CFAP20DC: variants seen among roughly 807,000 people sequenced by gnomAD.
The protein encoded by CFAP20DC is CFAP20 domain containing.
In CFAP20DC, 84 loss-of-function variants were observed where a neutral mutation model predicts 101.7. That is an observed-to-expected ratio of 0.83 (90% CI 0.69 to 0.99). CFAP20DC has a LOEUF of 0.99. Among genes scored for constraint, CFAP20DC ranks in the 50% least tolerant of loss-of-function variants. The probability of loss-of-function intolerance (pLI) is 0.00; values close to 1 mark genes in which losing one functional copy is unlikely to be tolerated. For missense variants in CFAP20DC, 1,007 were observed against 970.3 expected (o/e 1.04, Z -0.50); for synonymous variants, 359 against 351.2 (o/e 1.02, Z -0.25).
At chr3:58,987,894 C>T (rs1470443138) in intron 4 of CFAP20DC, among the ~76,000 whole-genome samples, 3 of 151,914 alleles carry the variant, frequency 2.0e-5, no homozygotes, top group African/African-American at 7.2e-5. Flanking sequence ...TTCTACCAAA[C>T]CTTTAAGGAA....
chr3:59,045,894 A>AGCTATTAG (rs1699814639), intron 3 of CFAP20DC, among the ~76,000 whole-genome samples: 1 of 152,148 alleles, frequency 6.6e-6, no homozygotes, highest in African/African-American at 2.4e-5. Context: ...GAGGATTAAA[A>AGCTATTAG]GAGTTCATAA....
In CFAP20DC at chr3:58,914,948, G is replaced by A. The variant is rs1243669793; in HGVS notation, c.394-1084C>T. The A allele has an allele frequency of 6.6e-6, 1 of 152,182 alleles. No homozygotes were observed. Among genetic ancestry groups the A allele is most frequent in the African/African-American group, 2.4e-5 (1 of 41,446 alleles). 9.4% of individuals were successfully genotyped at this position (152,182 alleles called of 1,614,324 possible). ...AGGCAGCAGGTAAACTGAGAGTCAA[G>A]TAATAGTGTGATTGGCTTGACTGGC... On this transcript the variant is annotated intron_variant, in intron 5 of 16. Transcript: ENST00000482387. The surrounding 1 kb of genome is among the most constrained non-coding windows in gnomAD (Gnocchi z 4.9).
In CFAP20DC at chr3:58,887,549, C is replaced by T. The variant is rs2081755947; in HGVS notation, c.551-2840G>A. The T allele has an allele frequency of 1.3e-5, 2 of 152,300 alleles. 1 individual carries two copies. The highest frequency in any genetic ancestry group is 4.1e-4 in the South Asian group (2 of 4,826). 9.4% of individuals were successfully genotyped at this position (152,300 alleles called of 1,614,324 possible). On this transcript the variant is annotated intron_variant, in intron 6 of 16. Coordinates refer to ENST00000482387, the MANE Select transcript of CFAP20DC (RefSeq NM_001394063.1). Reference sequence around the variant, plus strand: ...ATGAACACAAAACTTGAATTTACAACTAACAAGAGACAGATAGCAAATCTC... The same window carrying T: ...ATGAACACAAAACTTGAATTTACAATTAACAAGAGACAGATAGCAAATCTC...
At chr3:58,815,011 A>G (rs1158298249) in intron 14 of CFAP20DC, among the ~76,000 whole-genome samples, 1 of 151,464 alleles carries the variant, frequency 6.6e-6, no homozygotes, top group East Asian at 1.9e-4. Context: ...AAACTACTTT[A>G]AAGTTCATAT....
At chr3:58,834,541 G>C (rs1004097564) in intron 13 of CFAP20DC, among the ~76,000 whole-genome samples, 11 of 152,114 alleles carry the variant, frequency 7.2e-5, no homozygotes, top group African/African-American at 2.7e-4. Flanking sequence ...TGGGTTCTAG[G>C]AGAGAAGAAT....
intron 14 of CFAP20DC, among the ~76,000 whole-genome samples, chr3:58,812,445 TA>T (rs1253641314): frequency 1.3e-5 from 2 of 151,584 alleles, no homozygotes; most frequent in Non-Finnish European, 2.9e-5. Flanking sequence ...CTCAGTAAAC[TA>T]TCGCAAGAAC....
chr3:58,998,786 A>C lies in CFAP20DC; in HGVS notation c.278+40771T>G, dbSNP rs116520233. On this transcript the variant is annotated intron_variant, in intron 4 of 16. Transcript: ENST00000482387. ...CTCTTCACTCTGCACCGTAGAATGA[A>C]AAAGAACAAAGATGCAGTCTACCTA... Among the ~76,000 whole-genome samples, 410 of 152,380 alleles carry C rather than the reference A, an allele frequency of 2.7e-3. 1 individual carries two copies. Among genetic ancestry groups the C allele is most frequent in the African/African-American group, 9.3e-3 (386 of 41,590 alleles).
At chr3:58,793,466 A>T (rs1471875583) in intron 15 of CFAP20DC, among the ~76,000 whole-genome samples, 1 of 152,078 alleles carries the variant, frequency 6.6e-6, no homozygotes, top group Non-Finnish European at 1.5e-5. Context: ...TGGACTTTTA[A>T]TGTGAATTAG....
Position 58,732,525 on chromosome 3 carries a change from A to G in CFAP20DC, c.198-14897T>C, listed in dbSNP as rs138999792. 7.7e-4 allele frequency among the ~76,000 whole-genome samples: 118 copies of G among 152,316 alleles called. 1 individual carries two copies. The highest frequency in any genetic ancestry group is 2.7e-3 in the African/African-American group (114 of 41,570). On this transcript the variant is annotated intron_variant, in intron 3 of 3. Coordinates refer to the CFAP20DC transcript ENST00000486145. This position sits in a 1 kb window ranked among gnomAD's most constrained non-coding sequence, Gnocchi z 5.4. ...TAACTTTCAGAAAGCATTATAATAA[A>G]TTTATAGTGCACACTATTTTAGAGG...
At chr3:59,018,982 T>C (rs2108962044) in intron 4 of CFAP20DC, 1 of 152,204 alleles carries the variant, frequency 6.6e-6, no homozygotes, top group Middle Eastern at 3.4e-3. Context: ...AAGGCAAATG[T>C]GGCAAAATGT....
chr3:58,979,008 G>T (rs2092404050), intron 4 of CFAP20DC, among the ~76,000 whole-genome samples: 1 of 152,160 alleles, frequency 6.6e-6, no homozygotes, highest in African/African-American at 2.4e-5. Flanking sequence ...AGTGATAGTG[G>T]TGATGCTGTG....
chr3:58,739,380 T>C (rs990865552), downstream of CFAP20DC, among the ~76,000 whole-genome samples: 1 of 152,258 alleles, frequency 6.6e-6, no homozygotes, highest in African/African-American at 2.4e-5. Flanking sequence ...TACCAAATTA[T>C]CTTAAGATGT....
At chr3:58,967,340 C>T (rs2091632709) in intron 4 of CFAP20DC, among the ~76,000 whole-genome samples, 1 of 152,156 alleles carries the variant, frequency 6.6e-6, no homozygotes, top group African/African-American at 2.4e-5. Flanking sequence ...TGATCCCCAT[C>T]TCACATCATA....
At chr3:58,961,524 A>G (rs1314174650) in intron 4 of CFAP20DC, among the ~76,000 whole-genome samples, 1 of 152,160 alleles carries the variant, frequency 6.6e-6, no homozygotes, top group African/African-American at 2.4e-5. Context: ...ACTGCACTCC[A>G]GCCTGGGCAA....
At position 59,047,247 on chromosome 3, in the gene CFAP20DC, G is replaced by A; in HGVS notation, c.29C>T (p.Ala10Val). The change falls in exon 2 of 17, where the codon GCA becomes GTA. Residue 10 changes from alanine (A) to valine (V), a missense_variant. Transcript: ENST00000482387. Reference sequence around the variant, plus strand: ...TTGAGCACTGAAAATTTCAACAAATGCACCTCCCTAGAAAATGAAAATAAA... The same window carrying A: ...TTGAGCACTGAAAATTTCAACAAATACACCTCCCTAGAAAATGAAAATAAA... Reference protein sequence around the residue: MFKNEYQGGAFVEIFSAQGK... With the variant: MFKNEYQGGVFVEIFSAQGK... The A allele has an allele frequency of 2.6e-6, 4 of 1,529,756 alleles. No homozygotes were observed. The highest frequency in any genetic ancestry group is 3.5e-6 in the Non-Finnish European group (4 of 1,141,350). The allele number at this position is 1,529,756 out of a possible 1,614,324, so 94.8% of individuals were successfully genotyped here.
At chr3:58,719,837 A>C in intron 3 of CFAP20DC, among the ~76,000 whole-genome samples, 1 of 152,254 alleles carries the variant, frequency 6.6e-6, no homozygotes. Context: ...ACTGGAGTCC[A>C]CATTCCAGTA....
At chr3:58,840,626 C>T (rs1258086950) in intron 13 of CFAP20DC, among the ~76,000 whole-genome samples, 1 of 152,200 alleles carries the variant, frequency 6.6e-6, no homozygotes, top group African/African-American at 2.4e-5. Context: ...GCCACCACCC[C>T]TGTAGAACAG....
At chr3:58,872,740 G>T (rs975351990) in intron 7 of CFAP20DC, among the ~76,000 whole-genome samples, 13 of 152,088 alleles carry the variant, frequency 8.5e-5, no homozygotes, top group Non-Finnish European at 1.8e-4. Flanking sequence ...CAACACAAGG[G>T]TTATCTTTCT....
intron 15 of CFAP20DC, among the ~76,000 whole-genome samples, chr3:58,783,870 T>C (rs564921107): frequency 5.9e-5 from 9 of 152,220 alleles, no homozygotes; most frequent in African/African-American, 1.9e-4. Flanking sequence ...ACTTTTATTT[T>C]AGATTCAGGG....
Sources: gnomAD v4.1 joint callset for allele counts (sites outside exome capture counted in the v4.1 genomes callset) on GRCh38, gnomAD v4.1.1 for gene constraint, Gnocchi (gnomAD v3.1) non-coding constraint, MANE v1.5 for transcripts, NCBI Gene and HGNC (gene_info 2026-07-23, HGNC 2026-07-21) for gene names.